PNPLA3: variants seen among roughly 807,000 people sequenced by gnomAD.
PNPLA3 encodes 1-acylglycerol-3-phosphate O-acyltransferase PNPLA3.
A neutral mutation model predicts 43.1 loss-of-function variants in PNPLA3; 42 were observed. The observed-to-expected ratio is 0.97, with a 90% CI of 0.76 to 1.26. The LOEUF is 1.26. Ranked by LOEUF, PNPLA3 falls within the 50% of genes most tolerant of loss-of-function variation. PNPLA3 has a pLI of 0.00. For synonymous variants in PNPLA3, 272 were observed against 253.6 expected, an observed-to-expected ratio of 1.07 and a Z score of -0.69; for missense variants, 647 against 621.4, an observed-to-expected ratio of 1.04 and a Z score of -0.44.
chr22:43,925,117 T>A lies in PNPLA3; in HGVS notation c.187+1019T>A, dbSNP rs539439747. 2.0e-5 allele frequency among the ~76,000 whole-genome samples: 3 copies of A among 152,172 alleles called. No homozygotes were observed. The South Asian group carries it at 6.2e-4, about 32-fold the overall frequency. ...CTCCTCCTCCAGTGTTTGGGACCCT[T>A]CCTGGGGGCTGGAGTGCATCCCTGG... is the stretch of plus-strand genomic sequence containing the variant. On this transcript the variant is annotated intron_variant, in intron 1 of 8. Coordinates refer to ENST00000216180, the MANE Select transcript of PNPLA3 (RefSeq NM_025225.3).
intron 5 of PNPLA3, among the ~76,000 whole-genome samples, chr22:43,936,586 G>A (rs1184577723): frequency 6.6e-6 from 1 of 152,194 alleles, no homozygotes; most frequent in African/African-American, 2.4e-5. Flanking sequence ...ATCAGACCCA[G>A]CTTCAAATCC....
At chr22:43,942,150 T>A (rs896699571) in intron 7 of PNPLA3, among the ~76,000 whole-genome samples, 2 of 152,216 alleles carry the variant, frequency 1.3e-5, no homozygotes, top group African/African-American at 4.8e-5. Context: ...TTGCCATTTG[T>A]CCCTGGACCA....
intron 6 of PNPLA3, 86 bp downstream of exon 6, chr22:43,937,358 C>A (rs983108438): frequency 2.3e-6 from 3 of 1,296,052 alleles, no homozygotes; most frequent in Non-Finnish European, 3.2e-6. Flanking sequence ...CACATGGGAG[C>A]GATAGGGTGA....
rs2049901998 is a variant in PNPLA3 at position 43,923,855 on chromosome 22, C to T, written c.-57C>T. 4 of 1,418,566 alleles carry T rather than the reference C, an allele frequency of 2.8e-6. No homozygotes were observed. The highest frequency in any genetic ancestry group is 3.7e-6 in the Non-Finnish European group (4 of 1,086,036). The allele number at this position is 1,418,566 out of a possible 1,614,324, so 87.9% of individuals were successfully genotyped here. A position where few individuals can be genotyped will look rare whatever the true frequency, so the allele number is the denominator to read the frequency against. ...GAGCTGCTGCGGATCAGGACCCGAG[C>T]CGATTCCCGATCCCGACCCAGATCC... On this transcript the variant is annotated 5_prime_UTR_variant, in exon 1 of 9. Coordinates refer to ENST00000216180, the MANE Select transcript of PNPLA3 (RefSeq NM_025225.3).
chr22:43,928,962 G>A lies in PNPLA3; in HGVS notation c.486+73G>A, dbSNP rs77283105. ...TGTGCTCACACATCTCCTGCCTGCAGGGCACTGGTGTCGGGCACCTCAGGG... is the reference window on the plus strand; with the variant it reads ...TGTGCTCACACATCTCCTGCCTGCAAGGCACTGGTGTCGGGCACCTCAGGG... On this transcript the variant is annotated intron_variant, in intron 3 of 8. Transcript: ENST00000216180. 6.7e-3 allele frequency: 9,710 copies of A among 1,458,728 alleles called. 495 individuals carry two copies. In the African/African-American group the frequency reaches 0.12, roughly 18 times the overall value. 90.4% of individuals were successfully genotyped at this position (1,458,728 alleles called of 1,614,324 possible). A position where few individuals can be genotyped will look rare whatever the true frequency, so the allele number is the denominator to read the frequency against.
intron 6 of PNPLA3, among the ~76,000 whole-genome samples, chr22:43,938,861 G>A (rs930493859): frequency 6.6e-6 from 1 of 152,240 alleles, no homozygotes; most frequent in Non-Finnish European, 1.5e-5. Context: ...TGTAAAGCTG[G>A]TGGTGCCTGA....
chr22:43,930,147 C>T (rs578097700), intron 3 of PNPLA3, among the ~76,000 whole-genome samples: 45 of 152,308 alleles, frequency 3.0e-4, no homozygotes, highest in Non-Finnish European at 5.0e-4. Context: ...AGACTACGTG[C>T]TCCTGTGCGT....
chr22:43,928,502 G>A (rs1015282494), intron 2 of PNPLA3, among the ~76,000 whole-genome samples: 3 of 151,954 alleles, frequency 2.0e-5, no homozygotes, highest in East Asian at 1.9e-4. Context: ...GAACAGCACC[G>A]ATCTAGCCCC....
rs1057199550 is a variant in PNPLA3, at chr22:43,946,546, C to T, written c.*164C>T. 3.7e-5 allele frequency: 27 copies of T among 734,364 alleles called. No individual in the cohort carries two copies. The highest frequency in any genetic ancestry group is 2.9e-4 in the South Asian group (19 of 65,168). 45.5% of individuals were successfully genotyped at this position (734,364 alleles called of 1,614,324 possible). On this transcript the variant is annotated 3_prime_UTR_variant, in exon 9 of 9. Transcript: ENST00000216180. ...TATGAAAAGCTAGGAAGCAACCTTTCGCCTGTGCAGCGGTCCAGCACTTAA... is the reference window on the plus strand; with the variant it reads ...TATGAAAAGCTAGGAAGCAACCTTTTGCCTGTGCAGCGGTCCAGCACTTAA...
rs1393102498 is a variant in PNPLA3, at chr22:43,946,747, G to A, written c.*365G>A. ...GTGGGGGCCTTGTGATGGGGGGTAG[G>A]CTGGCCCATGTGTGATCTTGTGGGG... On this transcript the variant is annotated 3_prime_UTR_variant, in exon 9 of 9. Transcript: ENST00000216180. 1 of 531,486 alleles carries A rather than the reference G, an allele frequency of 1.9e-6. No individual in the cohort carries two copies. Among genetic ancestry groups the A allele is most frequent in the African/African-American group, 1.9e-5 (1 of 52,424 alleles). 32.9% of individuals were successfully genotyped at this position (531,486 alleles called of 1,614,324 possible).
intron 2 of PNPLA3, 36 bp downstream of exon 2, chr22:43,927,203 G>C: frequency 3.8e-6 from 6 of 1,594,532 alleles, no homozygotes; most frequent in Non-Finnish European, 5.2e-6. Context: ...TGTCAAGTTA[G>C]AAAAGCTGTT....
intron 7 of PNPLA3, among the ~76,000 whole-genome samples, chr22:43,943,651 T>C (rs1444029250): frequency 6.6e-6 from 1 of 152,212 alleles, no homozygotes; most frequent in Non-Finnish European, 1.5e-5. Flanking sequence ...TACTTCGGGA[T>C]TTTCTCTGTG....
rs1388391965 is a variant in PNPLA3, at chr22:43,946,895, G to A, written c.*513G>A. ...GATGATAACCTTGACTACTAAAAAC[G>A]TCTCCATGGCGGGGGTAACAAGATG... On this transcript the variant is annotated 3_prime_UTR_variant, in exon 9 of 9. Transcript: ENST00000216180. The A allele has an allele frequency of 2.7e-5, 9 of 331,892 alleles. No homozygotes were observed. The highest frequency in any genetic ancestry group is 1.7e-4 in the Admixed American group (4 of 22,918). The allele number at this position is 331,892 out of a possible 1,614,324, so 20.6% of individuals were successfully genotyped here. A position where few individuals can be genotyped will look rare whatever the true frequency, so the allele number is the denominator to read the frequency against.
At position 43,947,409 on chromosome 22, in the gene PNPLA3, C is replaced by A. The variant is rs1160878344; in HGVS notation, c.*1027C>A. 1 of 155,666 alleles carries A rather than the reference C, an allele frequency of 6.4e-6. No individual in the cohort carries two copies. Among genetic ancestry groups the A allele is most frequent in the Non-Finnish European group, 1.4e-5 (1 of 70,694 alleles). The allele number at this position is 155,666 out of a possible 1,614,324, so 9.6% of individuals were successfully genotyped here. A position where few individuals can be genotyped will look rare whatever the true frequency, so the allele number is the denominator to read the frequency against. ...AATAATCTAGTGTGCAGGGCATTCA[C>A]CTCAGCCCCCCAGGCAGGAGCCAAG... On this transcript the variant is annotated 3_prime_UTR_variant, in exon 9 of 9. Transcript: ENST00000216180.
rs556275435 is a variant in PNPLA3, at chr22:43,936,853, G to A, written c.758-198G>A. On this transcript the variant is annotated intron_variant, in intron 5 of 8. Transcript: ENST00000216180. ...CAAAGCTAGCAGGAGCCAAGCTCAC[G>A]TGTGTCCTGCTTTAAAGCCCCATAC... Among the ~76,000 whole-genome samples the A allele has an allele frequency of 3.9e-5, 6 of 152,336 alleles. No homozygotes were observed. The East Asian group carries it at 5.8e-4, about 15-fold the overall frequency.
At chr22:43,934,583 C>T (rs1306771217) in intron 4 of PNPLA3, 23 bp from the exon 5 acceptor site, 2 of 1,605,640 alleles carry the variant, frequency 1.2e-6, no homozygotes, top group East Asian at 2.2e-5. Flanking sequence ...CTGCTGTAGT[C>T]CCCTTGCTTG....
intron 1 of PNPLA3, among the ~76,000 whole-genome samples, chr22:43,924,633 G>C (rs962352650): frequency 6.6e-6 from 1 of 151,950 alleles, no homozygotes; most frequent in Non-Finnish European, 1.5e-5. Flanking sequence ...CCGCGCCTGC[G>C]CTTTTCTTTT....
intron 3 of PNPLA3, 24 bp from the exon 4 acceptor site, chr22:43,932,854 G>A: frequency 1.9e-6 from 3 of 1,609,076 alleles, no homozygotes; most frequent in Admixed American, 3.3e-5. Flanking sequence ...GACAGTGCCA[G>A]TCCTTTTTCC....
intron 3 of PNPLA3, among the ~76,000 whole-genome samples, chr22:43,930,257 C>T (rs185255225): frequency 7.2e-5 from 11 of 152,278 alleles, no homozygotes; most frequent in South Asian, 2.1e-4. Context: ...GCACGGCCAG[C>T]GAGCTTGCAC....
Sources: gnomAD v4.1 joint callset for allele counts (sites outside exome capture counted in the v4.1 genomes callset) on GRCh38, gnomAD v4.1.1 for gene constraint, MANE v1.5 for transcripts, NCBI Gene and HGNC (gene_info 2026-07-23, HGNC 2026-07-21) for gene names.